Variants in SPO11 observed in about 807,000 individuals in gnomAD.
The protein encoded by SPO11 is SPO11 initiator of meiotic double strand breaks.
In SPO11, 49 loss-of-function variants were observed where a neutral mutation model predicts 51.6. The observed-to-expected ratio is 0.95, with a 90% CI of 0.75 to 1.20. SPO11 has a LOEUF of 1.20. Ranked by LOEUF, SPO11 falls within the 50% of genes most tolerant of loss-of-function variation. The pLI, the probability that SPO11 is intolerant of heterozygous loss-of-function variation, is 0.00. For missense variants in SPO11, 431 were observed against 473.4 expected, an observed-to-expected ratio of 0.91 and a Z score of 0.83; for synonymous variants, 176 against 158.2, an observed-to-expected ratio of 1.11 and a Z score of -0.84.
chr20:57,334,659 C>T, intron 5 of SPO11, 91 bp from the exon 6 acceptor site: 3 of 886,356 alleles, frequency 3.4e-6, no homozygotes, highest in South Asian at 1.9e-5. Context: ...GTGAAAATGC[C>T]AGTAATTCAG....
rs1457761775 is a variant in SPO11, at chr20:57,343,520, C to T, written c.*60C>T. ...TTTTCATTAGTTTTGTTTTGATTGG[C>T]AAATACTATTGTGGAAAGAACATAT... On this transcript the variant is annotated 3_prime_UTR_variant, in exon 13 of 13. Transcript: ENST00000371263. 7 of 1,500,056 alleles carry T rather than the reference C, an allele frequency of 4.7e-6. No homozygotes were observed. The highest frequency in any genetic ancestry group is 6.3e-6 in the Non-Finnish European group (7 of 1,112,022). The allele number at this position is 1,500,056 out of a possible 1,614,324, so 92.9% of individuals were successfully genotyped here.
At chr20:57,336,810 A>G (rs537164713) in intron 8 of SPO11, among the ~76,000 whole-genome samples, 1 of 152,348 alleles carries the variant, frequency 6.6e-6, no homozygotes, top group African/African-American at 2.4e-5. Context: ...CCTGCTAAGC[A>G]CTTGACATAG....
Position 57,334,094 on chromosome 20 carries a change from TAG to T in SPO11, c.510_510+1del. 7.3e-7 allele frequency: 1 copy of T among 1,378,678 alleles called. No homozygotes were observed. Among genetic ancestry groups the T allele is most frequent in the Admixed American group, 1.9e-5 (1 of 52,132 alleles). The allele number at this position is 1,378,678 out of a possible 1,614,324, so 85.4% of individuals were successfully genotyped here. Reference sequence around the variant, plus strand: ...AAAGTGTCAAGGAGGAGTCTACATATAGTAAGTAGTACCTAATACAAAACATT... The same window carrying T: ...AAAGTGTCAAGGAGGAGTCTACATATTAAGTAGTACCTAATACAAAACATT... On this transcript the variant is annotated splice_donor_variant and coding_sequence_variant, in exon 5 of 13. Coordinates refer to ENST00000371263, the MANE Select transcript of SPO11 (RefSeq NM_012444.3). LOFTEE classifies it high-confidence loss of function.
intron 2 of SPO11, among the ~76,000 whole-genome samples, chr20:57,332,737 G>A (rs1600677371): frequency 1.3e-5 from 2 of 152,064 alleles, no homozygotes; most frequent in South Asian, 4.1e-4. Flanking sequence ...TAATAAAATT[G>A]TTATTTTATG....
chr20:57,335,141 T>C (rs1335631769), intron 6 of SPO11, among the ~76,000 whole-genome samples: 3 of 152,230 alleles, frequency 2.0e-5, no homozygotes, highest in South Asian at 2.1e-4. Context: ...AATTTTCTGG[T>C]TCTGAAAGTA....
intron 1 of SPO11, among the ~76,000 whole-genome samples, 155 bp from the exon 2 acceptor site, chr20:57,331,676 CTT>C (rs531227141): frequency 6.6e-6 from 1 of 150,822 alleles, no homozygotes; most frequent in South Asian, 2.1e-4. Flanking sequence ...ATTACCTAGT[CTT>C]TTTTTTTGTC....
intron 8 of SPO11, among the ~76,000 whole-genome samples, chr20:57,336,665 G>A (rs998555592): frequency 1.3e-5 from 2 of 152,086 alleles, no homozygotes; most frequent in African/African-American, 4.8e-5. Flanking sequence ...GCTGGGACTC[G>A]AGGGCCATAT....
chr20:57,337,224 C>T (rs2066523381), intron 8 of SPO11, among the ~76,000 whole-genome samples: 2 of 152,200 alleles, frequency 1.3e-5, no homozygotes, highest in South Asian at 4.1e-4. Flanking sequence ...TTCTGCTTTT[C>T]TCTAACATTG....
At position 57,343,558 on chromosome 20, in the gene SPO11, A is replaced by C; in HGVS notation, c.*98A>C. On this transcript the variant is annotated 3_prime_UTR_variant, in exon 13 of 13. Transcript: ENST00000371263. Reference sequence around the variant, plus strand: ...GGAAAGAACATATATTATATTCTTAATTCTGTAAAAGTGAAATAAAATAAC... The same window carrying C: ...GGAAAGAACATATATTATATTCTTACTTCTGTAAAAGTGAAATAAAATAAC... The C allele has an allele frequency of 8.1e-7, 1 of 1,237,750 alleles. No individual in the cohort carries two copies. 76.7% of individuals were successfully genotyped at this position (1,237,750 alleles called of 1,614,324 possible). A position where few individuals can be genotyped will look rare whatever the true frequency, so the allele number is the denominator to read the frequency against.
Position 57,331,936 on chromosome 20 carries a change from G to T in SPO11, c.235G>T (p.Glu79Ter). ...AFTIDNRSSW[E>*]NIKFEDSVGL... ...CACGATAGACAACAGATCAAGCTGGGAAAACATAAAGTGGGCATTTTGCAT... is the reference window on the plus strand; with the variant it reads ...CACGATAGACAACAGATCAAGCTGGTAAAACATAAAGTGGGCATTTTGCAT... The change falls in exon 2 of 13, where the codon GAA becomes TAA. Residue 79 changes from glutamate to a stop codon, truncating the protein, a stop_gained. Coordinates refer to ENST00000371263, the MANE Select transcript of SPO11 (RefSeq NM_012444.3). LOFTEE classifies it high-confidence loss of function. 1.3e-6 allele frequency: 2 copies of T among 1,579,894 alleles called. No individual in the cohort carries two copies. Among genetic ancestry groups the T allele is most frequent in the South Asian group, 1.2e-5 (1 of 83,840 alleles).
chr20:57,331,891 A>T lies in SPO11; in HGVS notation c.190A>T (p.Arg64Ter). The T allele has an allele frequency of 6.2e-7, 1 of 1,607,638 alleles. No homozygotes were observed. The highest frequency in any genetic ancestry group is 8.5e-7 in the Non-Finnish European group (1 of 1,177,178). The change falls in exon 2 of 13, where the codon AGA (arginine) becomes TGA (stop). Residue 64 changes from arginine to a stop codon, truncating the protein, a stop_gained. Coordinates refer to ENST00000371263, the MANE Select transcript of SPO11 (RefSeq NM_012444.3). LOFTEE classifies it high-confidence loss of function. Reference sequence around the variant, plus strand: ...CCAAGACATAATCACAAGCTTGGCAAGAAATGAAGCACCTGCATTCACGAT... The same window carrying T: ...CCAAGACATAATCACAAGCTTGGCATGAAATGAAGCACCTGCATTCACGAT... The part of the protein sequence containing the change: ...IIQDIITSLA[R>*]NEAPAFTIDN...
intron 2 of SPO11, among the ~76,000 whole-genome samples, chr20:57,332,845 A>G (rs1020909219): frequency 3.3e-5 from 5 of 152,228 alleles, no homozygotes; most frequent in African/African-American, 1.2e-4. Flanking sequence ...TGAGTAAAGT[A>G]CTAATTGTGA....
In SPO11 at chr20:57,329,916, G is replaced by A. The variant is rs761838727; in HGVS notation, c.49G>A (p.Asp17Asn). 3.1e-6 allele frequency: 5 copies of A among 1,613,710 alleles called. No homozygotes were observed. The highest frequency in any genetic ancestry group is 4.2e-6 in the Non-Finnish European group (5 of 1,179,926). Residue 17 changes from aspartate (D) to asparagine (N), a missense_variant, in exon 1 of 13, where the codon GAC becomes AAC. By Grantham distance (23) the Asp-to-Asn change is conservative. This residue lies in a region of SPO11 where 405 missense variants were observed against 425.9 expected (regional missense o/e 0.95). Coordinates refer to ENST00000371263, the MANE Select transcript of SPO11 (RefSeq NM_012444.3). Reference protein sequence around the residue: ...GPEASFFDVLDRHRESLLAAL... With the variant: ...GPEASFFDVLNRHRESLLAAL... ...CGAGGCCTCGTTCTTCGACGTTTTG[G>A]ACCGACACAGGGAGTCCCTGCTGGC...
rs1277385312 is a variant in SPO11 at position 57,329,813 on chromosome 20, C to T, written c.-55C>T. Reference sequence around the variant, plus strand: ...GCGGGAAAGGCACGCAGCCACGCCCCAAGGGCGCAGCCTAGGACAGGGGCT... The same window carrying T: ...GCGGGAAAGGCACGCAGCCACGCCCTAAGGGCGCAGCCTAGGACAGGGGCT... On this transcript the variant is annotated 5_prime_UTR_variant, in exon 1 of 13. Coordinates refer to ENST00000371263, the MANE Select transcript of SPO11 (RefSeq NM_012444.3). 1.3e-6 allele frequency: 2 copies of T among 1,550,736 alleles called. No homozygotes were observed. Among genetic ancestry groups the T allele is most frequent in the South Asian group, 1.2e-5 (1 of 84,370 alleles).
In SPO11 at chr20:57,343,221, A is replaced by G. The variant is rs2066604904; in HGVS notation, c.1072-120A>G. The stretch of plus-strand genomic sequence containing the variant: ...TAGCAGCTCTGGAATATTCTGGCTG[A>G]CCCTTAAGACTATTGTCCCTGGTTT... On this transcript the variant is annotated intron_variant, in intron 12 of 12. Transcript: ENST00000371263. The G allele has an allele frequency of 2.6e-6, 3 of 1,150,954 alleles. No homozygotes were observed. In the South Asian group the frequency reaches 4.4e-5, roughly 17 times the overall value. 71.3% of individuals were successfully genotyped at this position (1,150,954 alleles called of 1,614,324 possible). A position where few individuals can be genotyped will look rare whatever the true frequency, so the allele number is the denominator to read the frequency against.
At chr20:57,332,714 G>C (rs1185178662) in intron 2 of SPO11, among the ~76,000 whole-genome samples, 1 of 152,180 alleles carries the variant, frequency 6.6e-6, no homozygotes, top group Non-Finnish European at 1.5e-5. Flanking sequence ...AAGCTTGGCA[G>C]TTCAACTTAA....
At chr20:57,337,264 A>T (rs994588888) in intron 8 of SPO11, among the ~76,000 whole-genome samples, 1 of 152,296 alleles carries the variant, frequency 6.6e-6, no homozygotes, top group Non-Finnish European at 1.5e-5. Context: ...ACTTTTCTAC[A>T]TAATTATTAT....
intron 1 of SPO11, 73 bp from the exon 2 acceptor site, chr20:57,331,760 C>A: frequency 1.3e-6 from 1 of 754,632 alleles, no homozygotes. Flanking sequence ...TAGTATTGAT[C>A]TGGGAAAATC....
chr20:57,341,892 A>C (rs941073617), intron 11 of SPO11, among the ~76,000 whole-genome samples: 1 of 152,204 alleles, frequency 6.6e-6, no homozygotes, highest in Non-Finnish European at 1.5e-5. Flanking sequence ...TCAAAGGAAA[A>C]ACACTATGGT....
Sources: gnomAD v4.1 joint callset for allele counts (sites outside exome capture counted in the v4.1 genomes callset) on GRCh38, gnomAD v4.1.1 for gene constraint, gnomAD v4.1.1 regional missense constraint, MANE v1.5 for transcripts, NCBI Gene and HGNC (gene_info 2026-07-23, HGNC 2026-07-21) for gene names.